The following FERMT3 variants were observed in gnomAD, a reference collection of about 807,000 sequenced individuals.
FERMT3 encodes the protein FERM domain containing kindlin 3, also known as fermitin family homolog 3.
A neutral mutation model predicts 80.8 loss-of-function variants in FERMT3; 33 were observed. That is an observed-to-expected ratio of 0.41 (90% CI 0.31 to 0.55). The LOEUF is 0.55. FERMT3 is among the 20% of genes least tolerant of loss of function. The probability of loss-of-function intolerance (pLI) is 0.31; values close to 1 mark genes in which losing one functional copy is unlikely to be tolerated. For synonymous variants in FERMT3, 375 were observed against 372.2 expected, an observed-to-expected ratio of 1.01 and a Z score of -0.09; for missense variants, 754 against 908.7, an observed-to-expected ratio of 0.83 and a Z score of 2.19.
intron 2 of FERMT3, among the ~76,000 whole-genome samples, chr11:64,208,653 A>G (rs986687415): frequency 1.7e-4 from 26 of 152,262 alleles, no homozygotes; most frequent in Non-Finnish European, 2.9e-5. Flanking sequence ...GAGCCAGAGG[A>G]GGGGGCTGCC....
intron 13 of FERMT3, among the ~76,000 whole-genome samples, chr11:64,222,563 CAAAAAAA>C (rs34119299): frequency 1.1e-4 from 9 of 83,450 alleles, no homozygotes; most frequent in South Asian, 3.9e-4. Flanking sequence ...CACTCCGTCT[CAAAAAAA>C]AAAAAAAAAA....
In FERMT3 at chr11:64,211,104, G is replaced by A. The variant is rs1251181236; in HGVS notation, c.447G>A (p.Glu149=). The A allele has an allele frequency of 1.9e-6, 3 of 1,562,876 alleles. No homozygotes were observed. Among genetic ancestry groups the A allele is most frequent in the Non-Finnish European group, 2.6e-6 (3 of 1,153,800 alleles). Reference sequence around the variant, plus strand: ...TGCTCCGGGCTCCTGAGAAGAAGGAGAAGAAGAAGAAAGAGAAGGAGCCAG... The same window carrying A: ...TGCTCCGGGCTCCTGAGAAGAAGGAAAAGAAGAAGAAAGAGAAGGAGCCAG... ...LSLLRAPEKK[E]KKKKEKEPEE... is the part of the protein sequence containing the mutation. The change falls in exon 4 of 15, where the codon GAG becomes GAA. Residue 149 remains glutamate (E), a synonymous_variant. Transcript: ENST00000345728. The surrounding 1 kb of genome is among the most constrained non-coding windows in gnomAD (Gnocchi z 4.7).
At chr11:64,220,865 G>A in intron 12 of FERMT3, 151 bp from the exon 13 acceptor site, 1 of 1,449,762 alleles carries the variant, frequency 6.9e-7, no homozygotes, top group Non-Finnish European at 9.5e-7. Flanking sequence ...CTTGCAGCCT[G>A]GCGCAGTGCA....
intron 2 of FERMT3, among the ~76,000 whole-genome samples, chr11:64,209,270 C>T (rs936711216): frequency 7.2e-5 from 11 of 152,172 alleles, no homozygotes; most frequent in African/African-American, 2.2e-4. Context: ...GTCAGCCACT[C>T]GGCCACAGGA....
chr11:64,207,069 G>A (rs1011566547), intron 1 of FERMT3, among the ~76,000 whole-genome samples: 6 of 152,218 alleles, frequency 3.9e-5, no homozygotes, highest in Non-Finnish European at 7.4e-5. Flanking sequence ...CATTGAGCAC[G>A]GTGGTCCTGA....
At chr11:64,213,987 C>G (rs1221790215) in intron 6 of FERMT3, among the ~76,000 whole-genome samples, 1 of 152,154 alleles carries the variant, frequency 6.6e-6, no homozygotes, top group Non-Finnish European at 1.5e-5. Flanking sequence ...TCTTCCCTGC[C>G]CACACAATAC....
At chr11:64,208,394 A>G (rs1463914247) in intron 2 of FERMT3, among the ~76,000 whole-genome samples, 1 of 152,172 alleles carries the variant, frequency 6.6e-6, no homozygotes, top group African/African-American at 2.4e-5. Context: ...GTAACGCAGG[A>G]GGCCTTAACC....
intron 6 of FERMT3, among the ~76,000 whole-genome samples, chr11:64,215,131 G>A (rs1946523457): frequency 6.6e-6 from 1 of 152,160 alleles, no homozygotes; most frequent in South Asian, 2.1e-4. Context: ...TAACAAATGT[G>A]TATGGTTGTG....
Position 64,219,826 on chromosome 11 carries a change from G to C in FERMT3, c.1079+37G>C. 1.2e-6 allele frequency: 2 copies of C among 1,613,988 alleles called. No individual in the cohort carries two copies. Among genetic ancestry groups the C allele is most frequent in the Non-Finnish European group, 1.7e-6 (2 of 1,180,024 alleles). On this transcript the variant is annotated intron_variant, in intron 9 of 14. Coordinates refer to ENST00000345728, the MANE Select transcript of FERMT3 (RefSeq NM_031471.6). This position sits in a 1 kb window ranked among gnomAD's most constrained non-coding sequence, Gnocchi z 4.0. ...GCCAGAGTAGGCAGCCCTGCTGGAG[G>C]GGTTGGTCTGCATATGGAGGGAGGG...
rs143482882 is a variant in FERMT3, at chr11:64,221,042, C to A, written c.1572C>A (p.His524Gln). 2.5e-6 allele frequency: 4 copies of A among 1,612,852 alleles called. No homozygotes were observed. Among genetic ancestry groups the A allele is most frequent in the Non-Finnish European group, 3.4e-6 (4 of 1,180,014 alleles). The change falls in exon 13 of 15, where the codon CAC becomes CAA. Residue 524 changes from histidine to glutamine, a missense_variant. By Grantham distance (24) the His-to-Gln change is conservative (BLOSUM62 0). Coordinates refer to ENST00000345728, the MANE Select transcript of FERMT3 (RefSeq NM_031471.6). ...KQLTPRILEA[H>Q]QNVAQLSLAE... Reference sequence around the variant, plus strand: ...TCACCCCACGGATCCTGGAAGCCCACCAGAATGTGGCCCAGTTGTCGCTGG... The same window carrying A: ...TCACCCCACGGATCCTGGAAGCCCAACAGAATGTGGCCCAGTTGTCGCTGG...
intron 6 of FERMT3, among the ~76,000 whole-genome samples, chr11:64,216,090 C>A (rs906820395): frequency 6.6e-6 from 1 of 151,908 alleles, no homozygotes; most frequent in Non-Finnish European, 1.5e-5. Flanking sequence ...CCTCGGCCTC[C>A]CAAAGTGCTA....
rs1028645539 is a variant in FERMT3, at chr11:64,218,584, C to T, written c.787-667C>T. Among the ~76,000 whole-genome samples, 7 of 152,382 alleles carry T rather than the reference C, an allele frequency of 4.6e-5. No individual in the cohort carries two copies. The South Asian group carries it at 6.2e-4, about 14-fold the overall frequency. On this transcript the variant is annotated intron_variant, in intron 6 of 14. Transcript: ENST00000345728. ...CCTCCCAAAGTGCTGGGATTACAGG[C>T]GCAAGCCACCGCCCCGGCCTGTCCT...
In FERMT3 at chr11:64,223,072, G is replaced by A; in HGVS notation, c.1695G>A (p.Glu565=). 1 of 1,613,766 alleles carries A rather than the reference G, an allele frequency of 6.2e-7. No individual in the cohort carries two copies. Among genetic ancestry groups the A allele is most frequent in the East Asian group, 2.2e-5 (1 of 44,888 alleles). Residue 565 remains glutamate (E), a synonymous_variant, in exon 14 of 15, where the codon GAG becomes GAA. Transcript: ENST00000345728. Reference sequence around the variant, plus strand: ...GGTTCAAGGGCAGCAGGAAAGACGAGATCCTGGGCATCGCCAACAACCGAC... The same window carrying A: ...GGTTCAAGGGCAGCAGGAAAGACGAAATCCTGGGCATCGCCAACAACCGAC... The part of the protein sequence containing the change: ...MVRFKGSRKD[E]ILGIANNRLI...
At chr11:64,223,235 G>A (rs112962607) in intron 14 of FERMT3, 46 bp downstream of exon 14, 27 of 1,613,148 alleles carry the variant, frequency 1.7e-5, no homozygotes, top group African/African-American at 2.7e-5. Context: ...GGTGCAGGCC[G>A]GAGCTGGATC....
chr11:64,222,563 CAA>C (rs34119299), intron 13 of FERMT3, among the ~76,000 whole-genome samples: 26,304 of 82,394 alleles, frequency 0.32, 2,067 homozygotes, highest in Admixed American at 0.38. Context: ...CACTCCGTCT[CAA>C]AAAAAAAAAA....
chr11:64,210,552 T>G lies in FERMT3; in HGVS notation c.161-59T>G. ...AGGCTTCTGAATCCTGGGGTTGTGC[T>G]GGGTGTTGGGGGCACCAGGGAGGAA... On this transcript the variant is annotated intron_variant, in intron 2 of 14. Coordinates refer to ENST00000345728, the MANE Select transcript of FERMT3 (RefSeq NM_031471.6). The surrounding 1 kb of genome is among the most constrained non-coding windows in gnomAD (Gnocchi z 4.3). 6.5e-7 allele frequency: 1 copy of G among 1,539,582 alleles called. No homozygotes were observed. Among genetic ancestry groups the G allele is most frequent in the Middle Eastern group, 1.7e-4 (1 of 5,904 alleles).
intron 2 of FERMT3, among the ~76,000 whole-genome samples, chr11:64,208,114 G>T (rs1283513844): frequency 2.0e-5 from 3 of 150,808 alleles, no homozygotes; most frequent in Non-Finnish European, 4.4e-5. Flanking sequence ...GCCCACCACA[G>T]TCCCGGCCAA....
At chr11:64,208,277 T>G (rs905756162) in intron 2 of FERMT3, among the ~76,000 whole-genome samples, 2 of 151,936 alleles carry the variant, frequency 1.3e-5, no homozygotes, top group African/African-American at 4.8e-5. Flanking sequence ...AGACTGAGGC[T>G]GTGAGGGGAG....
chr11:64,223,593 A>T lies in FERMT3; in HGVS notation c.*101A>T, dbSNP rs1256061949. The T allele has an allele frequency of 5.7e-6, 8 of 1,395,804 alleles. No homozygotes were observed. The East Asian group carries it at 2.0e-4, about 35-fold the overall frequency. 86.5% of individuals were successfully genotyped at this position (1,395,804 alleles called of 1,614,324 possible). A position where few individuals can be genotyped will look rare whatever the true frequency, so the allele number is the denominator to read the frequency against. Reference sequence around the variant, plus strand: ...TGCCCCACACCCGCTCCAGGCAGGCACCCAGCTGGGCATTTCACCTGCTGT... The same window carrying T: ...TGCCCCACACCCGCTCCAGGCAGGCTCCCAGCTGGGCATTTCACCTGCTGT... On this transcript the variant is annotated 3_prime_UTR_variant, in exon 15 of 15. Transcript: ENST00000345728.
Sources: allele counts gnomAD v4.1 joint callset (sites outside exome capture counted in the v4.1 genomes callset), GRCh38; gene constraint gnomAD v4.1.1; non-coding constraint Gnocchi (gnomAD v3.1); transcripts MANE v1.5; gene names NCBI Gene and HGNC (gene_info 2026-07-23, HGNC 2026-07-21).